The following GABRA3 variants were observed in gnomAD, a reference collection of about 807,000 sequenced individuals.
GABRA3 encodes the protein gamma-aminobutyric acid receptor subunit alpha-3.
Under a neutral mutation model 30.1 loss-of-function variants are expected in GABRA3, and 10 were observed. The ratio of observed to expected loss-of-function variants is 0.33; its 90% CI spans 0.20 to 0.56. The LOEUF (loss-of-function observed/expected upper bound fraction) is 0.56, where lower values mean the gene tolerates loss of function less well. Ranked by LOEUF, GABRA3 falls within the 20% of genes least tolerant of loss-of-function variation. The probability of loss-of-function intolerance (pLI) is 0.89; values close to 1 mark genes in which losing one functional copy is unlikely to be tolerated. For synonymous variants in GABRA3, 151 were observed against 146.8 expected (o/e 1.03, Z -0.21); for missense variants, 233 against 392.0 (o/e 0.59, Z 3.42).
chrX:152,240,125 G>A, intron 5 of GABRA3, among the ~76,000 whole-genome samples: 1 of 102,025 alleles, frequency 9.8e-6, no homozygotes, highest in Admixed American at 1.0e-4. Flanking sequence ...TTTTGCAGCA[G>A]CTGGTACCGG....
intron 3 of GABRA3, among the ~76,000 whole-genome samples, chrX:152,302,259 G>GA (rs932672268): frequency 1.0e-3 from 108 of 104,446 alleles, no homozygotes; most frequent in African/African-American, 2.2e-3. Context: ...TTGCCAGATT[G>GA]AAAAAAAAAA....
rs772854974 is a variant in GABRA3, at chrX:152,217,922, AT to A, written c.634+6840del. Among the ~76,000 whole-genome samples, 9 of 108,250 alleles carry A rather than the reference AT, an allele frequency of 8.3e-5. No individual in the cohort carries two copies. The South Asian group carries it at 1.2e-3, about 14-fold the overall frequency. 94.0% of individuals were successfully genotyped at this position (108,250 alleles called of 115,157 possible). On this transcript the variant is annotated intron_variant, in intron 6 of 9. Transcript: ENST00000370314. ...GCTGATCTTTTCAAATAACTTTTAG[AT>A]TTTTTTATTTTCTTTAATTTTTAAA...
chrX:152,334,874 T>C (rs1443264003), intron 3 of GABRA3, among the ~76,000 whole-genome samples: 7 of 110,949 alleles, frequency 6.3e-5, no homozygotes, highest in African/African-American at 2.0e-4. Flanking sequence ...GCCAGCTCAG[T>C]GAAACAGAAA....
chrX:152,252,708 T>G (rs762148944), intron 5 of GABRA3, among the ~76,000 whole-genome samples: 4 of 111,357 alleles, frequency 3.6e-5, no homozygotes, highest in Non-Finnish European at 7.6e-5. Context: ...AATCTGAAAA[T>G]CTCAGTGTCC....
At chrX:152,444,652 G>T (rs1375684586) in intron 1 of GABRA3, among the ~76,000 whole-genome samples, 1 of 106,083 alleles carries the variant, frequency 9.4e-6, no homozygotes, top group African/African-American at 3.4e-5. Flanking sequence ...ATTTTGAAAG[G>T]TTATTTTATG....
At chrX:152,343,844 A>G (rs1603245172) in intron 3 of GABRA3, among the ~76,000 whole-genome samples, 1 of 112,376 alleles carries the variant, frequency 8.9e-6, no homozygotes, top group East Asian at 2.8e-4. Context: ...ATATTGTAGG[A>G]TTAAACAAAT....
At chrX:152,330,334 C>T (rs189799057) in intron 3 of GABRA3, among the ~76,000 whole-genome samples, 211 of 111,697 alleles carry the variant, frequency 1.9e-3, no homozygotes, top group African/African-American at 5.5e-3. Flanking sequence ...TTTGACCCAG[C>T]CATCCCATTA....
At chrX:152,434,018 A>G (rs1930715545) in intron 1 of GABRA3, among the ~76,000 whole-genome samples, 1 of 112,024 alleles carries the variant, frequency 8.9e-6, no homozygotes, top group Non-Finnish European at 1.9e-5. Flanking sequence ...TATTAAATGT[A>G]TAAATTCACA....
chrX:152,245,875 T>C (rs1184877190), intron 5 of GABRA3, among the ~76,000 whole-genome samples: 5 of 111,892 alleles, frequency 4.5e-5, no homozygotes, highest in Non-Finnish European at 5.6e-5. Flanking sequence ...TTTAGCTCTC[T>C]GTCTTCTGCA....
chrX:152,429,926 C>G (rs1425871830), intron 1 of GABRA3, among the ~76,000 whole-genome samples: 1 of 112,191 alleles, frequency 8.9e-6, no homozygotes, highest in African/African-American at 3.2e-5. Flanking sequence ...TAGACTGATA[C>G]TCAGATATGT....
At chrX:152,233,127 A>G (rs1938119562) in intron 5 of GABRA3, among the ~76,000 whole-genome samples, 1 of 109,718 alleles carries the variant, frequency 9.1e-6, no homozygotes, top group South Asian at 3.8e-4. Context: ...TCTTCTTTTG[A>G]AAAATGTCGG....
At chrX:152,364,368 G>A in intron 2 of GABRA3, 63 bp downstream of exon 2, 2 of 1,098,265 alleles carry the variant, frequency 1.8e-6, no homozygotes, top group Non-Finnish European at 2.5e-6. Context: ...AACATCAGAA[G>A]TTTTGGTCTG....
At chrX:152,292,004 T>A (rs778324716) in intron 3 of GABRA3, among the ~76,000 whole-genome samples, 76 of 112,109 alleles carry the variant, frequency 6.8e-4, no homozygotes, top group Non-Finnish European at 1.3e-3. Flanking sequence ...TCTGCCAGGC[T>A]TTGATATCAG....
chrX:152,406,571 A>AAT (rs61577907), intron 1 of GABRA3, among the ~76,000 whole-genome samples: 4,997 of 95,424 alleles, frequency 0.052, 154 homozygotes, highest in African/African-American at 0.096. Flanking sequence ...CTAACACTGG[A>AAT]ATATATATAT....
intron 5 of GABRA3, among the ~76,000 whole-genome samples, chrX:152,231,437 A>C (rs978916429): frequency 1.8e-5 from 2 of 110,565 alleles, no homozygotes; most frequent in African/African-American, 3.3e-5. Flanking sequence ...TCATTTAAAA[A>C]ATGCAAATTA....
chrX:152,362,287 A>T (rs2124493350), intron 2 of GABRA3, among the ~76,000 whole-genome samples: 1 of 111,349 alleles, frequency 9.0e-6, no homozygotes, highest in East Asian at 2.8e-4. Flanking sequence ...CTACCAAGGA[A>T]TAAAATACCT....
At chrX:152,328,164 C>T (rs2124471614) in intron 3 of GABRA3, among the ~76,000 whole-genome samples, 1 of 111,442 alleles carries the variant, frequency 9.0e-6, no homozygotes, top group African/African-American at 3.3e-5. Flanking sequence ...AGTTGAATCC[C>T]TGAATAGACC....
At chrX:152,433,575 G>C (rs1258988924) in intron 1 of GABRA3, among the ~76,000 whole-genome samples, 1 of 108,481 alleles carries the variant, frequency 9.2e-6, no homozygotes, top group Non-Finnish European at 1.9e-5. Context: ...TATTAGATAA[G>C]AAAAACTCAA....
intron 1 of GABRA3, among the ~76,000 whole-genome samples, chrX:152,373,893 T>C (rs1411137335): frequency 9.1e-6 from 1 of 109,336 alleles, no homozygotes; most frequent in East Asian, 2.9e-4. Context: ...TTTTCTGTCA[T>C]TGGGATAGTT....
Sources: allele counts gnomAD v4.1 joint callset (sites outside exome capture counted in the v4.1 genomes callset), GRCh38; gene constraint gnomAD v4.1.1; transcripts MANE v1.5; gene names NCBI Gene and HGNC (gene_info 2026-07-23, HGNC 2026-07-21).